Variants in OPRD1 observed in about 807,000 individuals in gnomAD.
OPRD1 encodes the protein opioid receptor delta 1, also known as delta-type opioid receptor.
A neutral mutation model predicts 17.5 loss-of-function variants in OPRD1; 19 were observed. That is an observed-to-expected ratio of 1.09 (90% CI 0.76 to 1.60). The LOEUF (loss-of-function observed/expected upper bound fraction) is 1.60, where lower values mean the gene tolerates loss of function less well. OPRD1 is among the 40% of genes most tolerant of loss of function. The pLI is 0.00. For synonymous variants in OPRD1, 256 were observed against 240.9 expected (o/e 1.06, Z -0.58); for missense variants, 483 against 547.2 (o/e 0.88, Z 1.17).
intron 1 of OPRD1, among the ~76,000 whole-genome samples, chr1:28,844,293 T>C (rs2088921045): frequency 6.6e-6 from 1 of 152,128 alleles, no homozygotes; most frequent in African/African-American, 2.4e-5. Flanking sequence ...TGTATATCTT[T>C]TTTAGGGAAA....
intron 1 of OPRD1, among the ~76,000 whole-genome samples, chr1:28,855,013 A>G (rs508448): frequency 0.49 from 74,964 of 151,930 alleles, 18,751 homozygotes; most frequent in East Asian, 0.76. Context: ...AACAAAATGG[A>G]CGAAGTCTTC....
chr1:28,860,730 T>G (rs1029262727), intron 2 of OPRD1, among the ~76,000 whole-genome samples: 1 of 152,202 alleles, frequency 6.6e-6, no homozygotes, highest in African/African-American at 2.4e-5. Context: ...GAATTTGGCC[T>G]GCAACCTAGG....
At chr1:28,818,239 CTCAG>C (rs886126828) in intron 1 of OPRD1, among the ~76,000 whole-genome samples, 1 of 152,184 alleles carries the variant, frequency 6.6e-6, no homozygotes, top group African/African-American at 2.4e-5. Context: ...TGCACGTGTA[CTCAG>C]TCAGTAAAGC....
intron 1 of OPRD1, among the ~76,000 whole-genome samples, chr1:28,849,783 G>A (rs2088983664): frequency 6.6e-6 from 1 of 151,838 alleles, no homozygotes; most frequent in South Asian, 2.1e-4. Flanking sequence ...AAGGTATCAT[G>A]TCCCTGAAAT....
rs1483853190 is a variant in OPRD1 at position 28,849,938 on chromosome 1, G to A, written c.228-9016G>A. ...TCTGTCGCCCAGGCTGGAGTGCAGT[G>A]GCGCGATCTCGGCTCACTGCAAGCT... is the stretch of plus-strand genomic sequence containing the variant. On this transcript the variant is annotated intron_variant, in intron 1 of 2. Coordinates refer to ENST00000234961, the MANE Select transcript of OPRD1 (RefSeq NM_000911.4). Among the ~76,000 whole-genome samples the A allele has an allele frequency of 2.0e-5, 3 of 147,502 alleles. No homozygotes were observed. The East Asian group carries it at 6.0e-4, about 29-fold the overall frequency.
At chr1:28,833,221 G>A (rs1228442126) in intron 1 of OPRD1, among the ~76,000 whole-genome samples, 1 of 152,224 alleles carries the variant, frequency 6.6e-6, no homozygotes, top group Non-Finnish European at 1.5e-5. Flanking sequence ...AAGGGCACCT[G>A]GTTAGTAAGT....
intron 1 of OPRD1, among the ~76,000 whole-genome samples, chr1:28,817,727 T>C (rs1279091385): frequency 4.6e-5 from 7 of 152,104 alleles, no homozygotes; most frequent in African/African-American, 1.7e-4. Context: ...TTTTTTTGGA[T>C]GGAGTCTCAC....
At chr1:28,858,881 T>C in intron 1 of OPRD1, 73 bp from the exon 2 acceptor site, 1 of 1,418,308 alleles carries the variant, frequency 7.1e-7, no homozygotes, top group Non-Finnish European at 9.7e-7. Context: ...GGAAAGCTAC[T>C]TCCCTTCCTT....
At chr1:28,857,563 G>A (rs1027478234) in intron 1 of OPRD1, among the ~76,000 whole-genome samples, 5 of 152,048 alleles carry the variant, frequency 3.3e-5, no homozygotes, top group African/African-American at 1.2e-4. Flanking sequence ...CTGCCTCCTG[G>A]GCTCAAGCGA....
chr1:28,867,420 G>A lies in OPRD1; in HGVS notation c.*4137G>A, dbSNP rs1004856321. On this transcript the variant is annotated 3_prime_UTR_variant, in exon 3 of 3. Coordinates refer to ENST00000234961, the MANE Select transcript of OPRD1 (RefSeq NM_000911.4). ...GGGGTTTCACCATTTGGCCAAACTG[G>A]TCTCGAACTCCTGACCTCAGGGGAT... The A allele has an allele frequency of 6.6e-6, 1 of 151,942 alleles. No individual in the cohort carries two copies. The highest frequency in any genetic ancestry group is 2.4e-5 in the African/African-American group (1 of 41,364). 9.4% of individuals were successfully genotyped at this position (151,942 alleles called of 1,614,324 possible).
chr1:28,855,520 G>T (rs978144369), intron 1 of OPRD1, among the ~76,000 whole-genome samples: 7 of 152,112 alleles, frequency 4.6e-5, no homozygotes, highest in Non-Finnish European at 8.8e-5. Flanking sequence ...AGTCTACGGT[G>T]GCCAGAAGGA....
At chr1:28,836,458 C>T (rs577606051) in intron 1 of OPRD1, among the ~76,000 whole-genome samples, 5 of 149,076 alleles carry the variant, frequency 3.4e-5, no homozygotes, top group South Asian at 2.1e-4. Flanking sequence ...TGCAGTGAGC[C>T]GAGATCGCGC....
intron 1 of OPRD1, among the ~76,000 whole-genome samples, chr1:28,853,974 C>G (rs1461762408): frequency 6.6e-6 from 1 of 152,034 alleles, no homozygotes; most frequent in Non-Finnish European, 1.5e-5. Flanking sequence ...CTCCTGAGCT[C>G]AAACGATCTG....
intron 1 of OPRD1, among the ~76,000 whole-genome samples, chr1:28,845,866 T>C (rs867369743): frequency 6.6e-6 from 1 of 152,292 alleles, no homozygotes; most frequent in Middle Eastern, 3.4e-3. Context: ...TTCTAGAAAG[T>C]TGGGTCTCTG....
At chr1:28,834,373 CT>C (rs1557572323) in intron 1 of OPRD1, among the ~76,000 whole-genome samples, 10 of 109,414 alleles carry the variant, frequency 9.1e-5, no homozygotes, top group South Asian at 3.7e-4. Context: ...GTATTTCTTT[CT>C]TTTTTTCTTT....
chr1:28,847,334 G>C (rs1483926240), intron 1 of OPRD1, among the ~76,000 whole-genome samples: 1 of 152,126 alleles, frequency 6.6e-6, no homozygotes, highest in Non-Finnish European at 1.5e-5. Flanking sequence ...TTACAGCCGT[G>C]AGCTACCGCG....
chr1:28,853,909 T>G (rs1314718020), intron 1 of OPRD1, among the ~76,000 whole-genome samples: 2 of 151,714 alleles, frequency 1.3e-5, no homozygotes, highest in Non-Finnish European at 2.9e-5. Flanking sequence ...CCTGGCTAAT[T>G]TTTGTATTTT....
At chr1:28,859,754 C>T (rs192543758) in intron 2 of OPRD1, among the ~76,000 whole-genome samples, 1 of 152,332 alleles carries the variant, frequency 6.6e-6, no homozygotes, top group African/African-American at 2.4e-5. Flanking sequence ...TTTAAACTCC[C>T]TTTCATCCTA....
rs940186207 is a variant in OPRD1 at position 28,863,046 on chromosome 1, G to T, written c.882G>T (p.Pro294=). 2 of 1,604,652 alleles carry T rather than the reference G, an allele frequency of 1.2e-6. No homozygotes were observed. The highest frequency in any genetic ancestry group is 1.7e-6 in the Non-Finnish European group (2 of 1,175,746). Residue 294 remains proline, a synonymous_variant, in exon 3 of 3, where the codon CCG becomes CCT. Transcript: ENST00000234961. ...TGGTGGACATCGACCGGCGCGACCC[G>T]CTGGTGGTGGCTGCGCTGCACCTGT... ...WTLVDIDRRD[P]LVVAALHLCI...
Sources: gnomAD v4.1 joint callset for allele counts (sites outside exome capture counted in the v4.1 genomes callset) on GRCh38, gnomAD v4.1.1 for gene constraint, MANE v1.5 for transcripts, NCBI Gene and HGNC (gene_info 2026-07-23, HGNC 2026-07-21) for gene names.